The following PUM1 variants were observed in gnomAD, a reference collection of about 807,000 sequenced individuals.
The protein encoded by PUM1 is pumilio homolog 1.
Under a neutral mutation model 131.8 loss-of-function variants are expected in PUM1, and 13 were observed. The ratio of observed to expected loss-of-function variants is 0.10; its 90% CI spans 0.06 to 0.16. The LOEUF (loss-of-function observed/expected upper bound fraction) is 0.16, where lower values mean the gene tolerates loss of function less well. PUM1 is among the 10% of genes least tolerant of loss of function. The probability of loss-of-function intolerance (pLI) is 1.00; values close to 1 mark genes in which losing one functional copy is unlikely to be tolerated. For synonymous variants in PUM1, 509 were observed against 556.5 expected (o/e 0.91, Z 1.20); for missense variants, 961 against 1,512.4 (o/e 0.64, Z 6.05).
At chr1:31,006,456 T>C (rs556841025) in intron 4 of PUM1, among the ~76,000 whole-genome samples, 1 of 152,308 alleles carries the variant, frequency 6.6e-6, no homozygotes, top group South Asian at 2.1e-4. Flanking sequence ...TACACGACAT[T>C]GGCTTTTGGG....
intron 14 of PUM1, among the ~76,000 whole-genome samples, chr1:30,960,722 G>GA (rs1354362947): frequency 1.3e-5 from 2 of 152,102 alleles, no homozygotes; most frequent in African/African-American, 4.8e-5. Flanking sequence ...AATTACAAAG[G>GA]AAAATGGTGC....
In PUM1 at chr1:30,942,949, A is replaced by T. The variant is rs927664050; in HGVS notation, c.2995-826T>A. 1.3e-4 allele frequency among the ~76,000 whole-genome samples: 20 copies of T among 151,994 alleles called. 1 individual carries two copies. In the East Asian group the frequency reaches 3.9e-3, roughly 30 times the overall value. On this transcript the variant is annotated intron_variant, in intron 18 of 21. Transcript: ENST00000426105. ...AAAAAAATTGTGTGTAGAGACGGAGATTCGCTATGTTGCCCAGGCTGTTCC... is the reference window on the plus strand; with the variant it reads ...AAAAAAATTGTGTGTAGAGACGGAGTTTCGCTATGTTGCCCAGGCTGTTCC...
chr1:30,954,180 A>G (rs1214794891), intron 14 of PUM1, among the ~76,000 whole-genome samples, 199 bp from the exon 15 acceptor site: 1 of 152,180 alleles, frequency 6.6e-6, no homozygotes, highest in Non-Finnish European at 1.5e-5. Context: ...TTGCACAAAG[A>G]TTGAGAAGGG....
At chr1:31,043,298 G>A (rs1208491965) in intron 2 of PUM1, among the ~76,000 whole-genome samples, 2 of 151,924 alleles carry the variant, frequency 1.3e-5, no homozygotes, top group Admixed American at 6.6e-5. Context: ...CGCCTCCAGG[G>A]TTCAAGTGAT....
chr1:30,973,323 A>T (rs1641005426), intron 10 of PUM1, among the ~76,000 whole-genome samples: 2 of 151,456 alleles, frequency 1.3e-5, no homozygotes, highest in Non-Finnish European at 2.9e-5. Context: ...TCTTGTTTGG[A>T]TCATTTAATA....
At chr1:31,065,268 C>CA (rs1192783222) in intron 1 of PUM1, among the ~76,000 whole-genome samples, 3 of 151,996 alleles carry the variant, frequency 2.0e-5, no homozygotes, top group African/African-American at 4.8e-5. Flanking sequence ...GCAAACCCAT[C>CA]AAAAAAAGCA....
At chr1:31,016,676 T>G (rs746004831) in intron 3 of PUM1, among the ~76,000 whole-genome samples, 1 of 152,208 alleles carries the variant, frequency 6.6e-6, no homozygotes, top group African/African-American at 2.4e-5. Flanking sequence ...ATTTCTCTAC[T>G]AGGTATCATC....
At chr1:31,064,769 G>T (rs1414800527) in intron 1 of PUM1, among the ~76,000 whole-genome samples, 1 of 95,458 alleles carries the variant, frequency 1.0e-5, no homozygotes, top group Non-Finnish European at 2.3e-5. Flanking sequence ...TCAGCGGGGG[G>T]GGGGGGGGGG....
intron 10 of PUM1, among the ~76,000 whole-genome samples, chr1:30,970,284 C>A (rs1007644747): frequency 5.3e-5 from 8 of 152,064 alleles, no homozygotes; most frequent in Non-Finnish European, 8.8e-5. Context: ...ACACTAATAA[C>A]CAATTAAATA....
chr1:30,963,794 T>C (rs1214121397), intron 14 of PUM1, among the ~76,000 whole-genome samples: 1 of 152,222 alleles, frequency 6.6e-6, no homozygotes, highest in African/African-American at 2.4e-5. Context: ...CAAGTAATTA[T>C]TCATAGCACC....
chr1:31,036,123 G>A (rs1391159767), intron 2 of PUM1, among the ~76,000 whole-genome samples: 1 of 151,556 alleles, frequency 6.6e-6, no homozygotes, highest in Non-Finnish European at 1.5e-5. Context: ...AGGCTGAAGT[G>A]CAGTGGCACT....
chr1:31,007,126 C>A (rs1570257598), intron 3 of PUM1, 24 bp from the exon 4 acceptor site: 1 of 1,535,912 alleles, frequency 6.5e-7, no homozygotes, highest in Non-Finnish European at 9.0e-7. Context: ...ATAATAGATG[C>A]TTTTAAAGAA....
intron 21 of PUM1, 119 bp downstream of exon 21, chr1:30,936,523 TG>T: frequency 2.0e-6 from 2 of 983,424 alleles, no homozygotes; most frequent in African/African-American, 1.6e-5. Context: ...GAACACAGCA[TG>T]GGACAGAGGT....
chr1:30,975,031 G>A (rs1475274289), intron 9 of PUM1, among the ~76,000 whole-genome samples: 2 of 152,182 alleles, frequency 1.3e-5, no homozygotes, highest in African/African-American at 4.8e-5. Context: ...AAGCAGTGGG[G>A]AATGAAACAT....
chr1:31,024,598 A>T (rs1033314242), intron 3 of PUM1, among the ~76,000 whole-genome samples: 2 of 152,330 alleles, frequency 1.3e-5, no homozygotes, highest in South Asian at 4.1e-4. Context: ...GCTAGTATTC[A>T]CTACTATTTT....
At chr1:31,059,850 C>CA (rs1379465051) in intron 1 of PUM1, among the ~76,000 whole-genome samples, 1 of 142,012 alleles carries the variant, frequency 7.0e-6, no homozygotes, top group Non-Finnish European at 1.6e-5. Flanking sequence ...TGAACAAAAG[C>CA]TTTTTTTTTT....
chr1:31,012,501 T>C (rs985111707), intron 3 of PUM1, among the ~76,000 whole-genome samples: 1 of 150,766 alleles, frequency 6.6e-6, no homozygotes, highest in East Asian at 1.9e-4. Context: ...ACGTACACTG[T>C]TTATCCCACC....
chr1:30,997,701 T>TGTG (rs746395183), intron 5 of PUM1, among the ~76,000 whole-genome samples: 9 of 152,180 alleles, frequency 5.9e-5, no homozygotes, highest in Non-Finnish European at 1.0e-4. Context: ...AAATCTCTTT[T>TGTG]GTGGTGGTGG....
chr1:30,949,001 C>T, intron 17 of PUM1: 1 of 436,192 alleles, frequency 2.3e-6, no homozygotes, highest in Non-Finnish European at 4.6e-6. Flanking sequence ...TGGCACATAC[C>T]TTTGAAACTT....
Sources: allele counts gnomAD v4.1 joint callset (sites outside exome capture counted in the v4.1 genomes callset), GRCh38; gene constraint gnomAD v4.1.1; transcripts MANE v1.5; gene names NCBI Gene and HGNC (gene_info 2026-07-23, HGNC 2026-07-21).